SH3D19: variants seen among roughly 807,000 people sequenced by gnomAD.
The protein encoded by SH3D19 is SH3 domain-containing protein 19.
In SH3D19, 58 loss-of-function variants were observed where a neutral mutation model predicts 112.1. The observed-to-expected ratio is 0.52, with a 90% CI of 0.42 to 0.64. The LOEUF is 0.64. Ranked by LOEUF, SH3D19 falls within the 30% of genes least tolerant of loss-of-function variation. The probability of loss-of-function intolerance (pLI) is 0.00; values close to 1 mark genes in which losing one functional copy is unlikely to be tolerated. For missense variants in SH3D19, 1,090 were observed against 1,263.4 expected (o/e 0.86, Z 2.08); for synonymous variants, 391 against 448.5 (o/e 0.87, Z 1.62).
At chr4:151,258,348 G>C (rs748670804) in intron 1 of SH3D19, among the ~76,000 whole-genome samples, 4 of 152,186 alleles carry the variant, frequency 2.6e-5, no homozygotes, top group Non-Finnish European at 4.4e-5. Context: ...AACCATTCTA[G>C]AGGCCAAGGA....
intron 11 of SH3D19, 198 bp from the exon 12 acceptor site, chr4:151,144,248 GAGAC>G (rs763440240): frequency 6.2e-7 from 1 of 1,614,072 alleles, no homozygotes. Flanking sequence ...GGGGTTTTGA[GAGAC>G]AATATCTTCA....
At chr4:151,307,777 G>A (rs750423438) in intron 1 of SH3D19, among the ~76,000 whole-genome samples, 4 of 152,236 alleles carry the variant, frequency 2.6e-5, no homozygotes, top group East Asian at 1.9e-4. Flanking sequence ...ATTAGCATGC[G>A]TGGTTTCCCC....
At chr4:151,124,494 G>A (rs559839697) in intron 19 of SH3D19, among the ~76,000 whole-genome samples, 1 of 152,150 alleles carries the variant, frequency 6.6e-6, no homozygotes, top group African/African-American at 2.4e-5. Context: ...CAAGGCAGGT[G>A]GATTTTCTGA....
intron 1 of SH3D19, among the ~76,000 whole-genome samples, chr4:151,282,628 T>C (rs1398776676): frequency 3.3e-5 from 5 of 152,222 alleles, no homozygotes; most frequent in African/African-American, 1.2e-4. Flanking sequence ...TAGCTATAGC[T>C]GGAAGAGCAG....
chr4:151,323,611 T>G (rs1443168862), intron 1 of SH3D19, among the ~76,000 whole-genome samples: 1 of 152,204 alleles, frequency 6.6e-6, no homozygotes, highest in Admixed American at 6.5e-5. Context: ...AAAAAGGGCA[T>G]ATAAATGGTT....
intron 1 of SH3D19, among the ~76,000 whole-genome samples, chr4:151,305,439 A>G (rs564744458): frequency 6.6e-6 from 1 of 152,160 alleles, no homozygotes; most frequent in Non-Finnish European, 1.5e-5. Context: ...TTTTTATTCT[A>G]TTTAACAGTG....
At position 151,322,710 on chromosome 4, in the gene SH3D19, C is replaced by T. The variant is rs923479991; in HGVS notation, c.112+2531G>A. 2.0e-5 allele frequency among the ~76,000 whole-genome samples: 3 copies of T among 152,138 alleles called. No homozygotes were observed. The South Asian group carries it at 6.2e-4, about 31-fold the overall frequency. ...TTTAAAAACACACACACATTTATTT[C>T]CTAAGGATGCCCTACAAGGACTGTC... On this transcript the variant is annotated intron_variant, in intron 1 of 19. Transcript: ENST00000604030.
At chr4:151,245,465 G>A (rs1227091299) in intron 1 of SH3D19, among the ~76,000 whole-genome samples, 1 of 152,138 alleles carries the variant, frequency 6.6e-6, no homozygotes, top group African/African-American at 2.4e-5. Flanking sequence ...AATGGCAACT[G>A]TGCCCAGAGT....
At chr4:151,241,348 A>G (rs1174683640) in intron 1 of SH3D19, among the ~76,000 whole-genome samples, 1 of 151,928 alleles carries the variant, frequency 6.6e-6, no homozygotes. Flanking sequence ...AAGAGACCAC[A>G]TGTCACATAA....
At chr4:151,246,951 T>C (rs1294711941) in intron 1 of SH3D19, among the ~76,000 whole-genome samples, 1 of 152,224 alleles carries the variant, frequency 6.6e-6, no homozygotes, top group African/African-American at 2.4e-5. Context: ...GATTGATCCA[T>C]GTTTAAACTT....
chr4:151,267,169 A>T (rs113157699), intron 1 of SH3D19, among the ~76,000 whole-genome samples: 4,536 of 105,122 alleles, frequency 0.043, 243 homozygotes, highest in African/African-American at 0.12. Flanking sequence ...AAAAAAAAAA[A>T]AAATAAATAA....
intron 1 of SH3D19, among the ~76,000 whole-genome samples, chr4:151,253,889 G>A (rs1039149970): frequency 2.0e-5 from 3 of 152,322 alleles, no homozygotes; most frequent in African/African-American, 7.2e-5. Flanking sequence ...GGTCCCTGGC[G>A]TGGGTATTGA....
intron 1 of SH3D19, among the ~76,000 whole-genome samples, chr4:151,229,130 C>T (rs1769383403): frequency 6.6e-6 from 1 of 151,854 alleles, no homozygotes; most frequent in Non-Finnish European, 1.5e-5. Flanking sequence ...CCTTGGCCTC[C>T]CAAAGTGTTG....
intron 1 of SH3D19, among the ~76,000 whole-genome samples, chr4:151,267,381 T>C (rs751261856): frequency 1.3e-4 from 20 of 152,048 alleles, no homozygotes; most frequent in Non-Finnish European, 2.5e-4. Context: ...ATTACCTCCG[T>C]TCATTGTTGG....
intron 1 of SH3D19, among the ~76,000 whole-genome samples, chr4:151,302,790 C>T (rs1053139999): frequency 2.0e-5 from 3 of 151,246 alleles, no homozygotes; most frequent in East Asian, 1.9e-4. Context: ...AACCAAATAC[C>T]GCATGTTCAT....
At position 151,194,883 on chromosome 4, in the gene SH3D19, C is replaced by T. The variant is rs187243693; in HGVS notation, c.153-7420G>A. On this transcript the variant is annotated intron_variant, in intron 2 of 19. Coordinates refer to ENST00000604030, the MANE Select transcript of SH3D19 (RefSeq NM_001378122.1). ...GGTGGATCGCCACAGGTCAGGAGTT[C>T]GAGACCAGCCTAGCCAATGTGGTGA... Among the ~76,000 whole-genome samples, 3 of 150,062 alleles carry T rather than the reference C, an allele frequency of 2.0e-5. No homozygotes were observed. The East Asian group carries it at 6.1e-4, about 30-fold the overall frequency.
intron 2 of SH3D19, among the ~76,000 whole-genome samples, chr4:151,225,720 GCAGTA>G (rs1768881705): frequency 6.6e-6 from 1 of 152,114 alleles, no homozygotes; most frequent in African/African-American, 2.4e-5. Context: ...TAGGAAAACA[GCAGTA>G]CACACTTACA....
At chr4:151,298,516 T>G (rs1775858111) in intron 1 of SH3D19, among the ~76,000 whole-genome samples, 1 of 152,132 alleles carries the variant, frequency 6.6e-6, no homozygotes, top group Non-Finnish European at 1.5e-5. Context: ...GTAGCTAATT[T>G]GTTATAACAG....
intron 1 of SH3D19, among the ~76,000 whole-genome samples, chr4:151,282,945 T>C (rs931786703): frequency 6.6e-6 from 1 of 152,190 alleles, no homozygotes; most frequent in Admixed American, 6.5e-5. Context: ...TTAGAATTAC[T>C]GAGTTTTAGA....
Sources: gnomAD v4.1 joint callset for allele counts (sites outside exome capture counted in the v4.1 genomes callset) on GRCh38, gnomAD v4.1.1 for gene constraint, MANE v1.5 for transcripts, NCBI Gene and HGNC (gene_info 2026-07-23, HGNC 2026-07-21) for gene names.